Variants in NTRK1 observed in about 807,000 individuals in gnomAD.
NTRK1 encodes high affinity nerve growth factor receptor.
A neutral mutation model predicts 86.8 loss-of-function variants in NTRK1; 62 were observed. The observed-to-expected ratio is 0.71, with a 90% CI of 0.58 to 0.88. The LOEUF is 0.88. Ranked by LOEUF, NTRK1 falls within the 40% of genes least tolerant of loss-of-function variation. The probability of loss-of-function intolerance (pLI) is 0.00; values close to 1 mark genes in which losing one functional copy is unlikely to be tolerated. For missense variants in NTRK1, 967 were observed against 1,078.4 expected (o/e 0.90, Z 1.45); for synonymous variants, 469 against 456.6 (o/e 1.03, Z -0.35).
rs780724170 is a variant in NTRK1 at position 156,881,563 on chromosome 1, G to A, written c.2312G>A (p.Arg771His). 5 of 1,611,138 alleles carry A rather than the reference G, an allele frequency of 3.1e-6. No individual in the cohort carries two copies. The highest frequency in any genetic ancestry group is 2.7e-5 in the African/African-American group (2 of 74,890). ...RGCWQREPQQRHSIKDVHARL... is the reference protein window; with the variant it reads ...RGCWQREPQQHHSIKDVHARL... ...TGCTGGCAGCGGGAGCCCCAGCAAC[G>A]CCACAGCATCAAGGATGTGCACGCC... The change falls in exon 17 of 17, where the codon CGC (arginine) becomes CAC (histidine). Residue 771 changes from arginine (R) to histidine (H), a missense_variant. Physicochemically the swap from Arg to His is conservative, Grantham distance 29. This residue lies in a region of NTRK1 where 637 missense variants were observed against 776.5 expected (regional missense o/e 0.82). Transcript: ENST00000524377.
At chr1:156,848,507 C>G (rs552454648) in intron 2 of NTRK1, among the ~76,000 whole-genome samples, 7 of 152,330 alleles carry the variant, frequency 4.6e-5, no homozygotes, top group African/African-American at 1.7e-4. Flanking sequence ...GCGGCCCCTG[C>G]TCCCTCCCTT....
chr1:156,852,382 CT>C (rs1310971414), intron 2 of NTRK1, among the ~76,000 whole-genome samples: 3 of 152,268 alleles, frequency 2.0e-5, no homozygotes, highest in Non-Finnish European at 4.4e-5. Flanking sequence ...CTGTGGCCGT[CT>C]GTGGCTCCCC....
At chr1:156,852,173 C>T in intron 2 of NTRK1, 1 of 1,602,330 alleles carries the variant, frequency 6.2e-7, no homozygotes, top group Non-Finnish European at 8.5e-7. Flanking sequence ...GCAAGCCATC[C>T]CATGGGGGCA....
chr1:156,833,536 G>T (rs1386782559), intron 1 of NTRK1, among the ~76,000 whole-genome samples: 1 of 148,850 alleles, frequency 6.7e-6, no homozygotes, highest in African/African-American at 2.5e-5. Context: ...CAGCCTGGGC[G>T]ATAAGAGCGA....
At chr1:156,827,109 ATC>A (rs892166946) in intron 1 of NTRK1, among the ~76,000 whole-genome samples, 2 of 151,010 alleles carry the variant, frequency 1.3e-5, no homozygotes, top group African/African-American at 4.9e-5. Context: ...TTGAGACAGG[ATC>A]TCTCTCTGTC....
chr1:156,865,483 G>T (rs867927657), intron 3 of NTRK1, among the ~76,000 whole-genome samples: 1 of 152,326 alleles, frequency 6.6e-6, no homozygotes, highest in Non-Finnish European at 1.5e-5. Flanking sequence ...AGCTCAGGCG[G>T]TAATGCTCAC....
chr1:156,816,021 G>T (rs774736434), intron 1 of NTRK1: 4 of 1,614,048 alleles, frequency 2.5e-6, no homozygotes, highest in East Asian at 4.5e-5. Context: ...TGTAGCCCAG[G>T]TTCTGGCAGC....
In NTRK1 at chr1:156,879,106, C is replaced by T. The variant is rs905185480; in HGVS notation, c.1806-16C>T. Reference sequence around the variant, plus strand: ...CTATCCTCCCAGCCTATCCCCTCTCCTTTTCTTGTTCACAGATCCCATGGA... The same window carrying T: ...CTATCCTCCCAGCCTATCCCCTCTCTTTTTCTTGTTCACAGATCCCATGGA... On this transcript the variant is annotated splice_polypyrimidine_tract_variant and intron_variant, in intron 14 of 16. Coordinates refer to ENST00000524377, the MANE Select transcript of NTRK1 (RefSeq NM_002529.4). 2.5e-6 allele frequency: 4 copies of T among 1,611,928 alleles called. No homozygotes were observed. Among genetic ancestry groups the T allele is most frequent in the Admixed American group, 3.3e-5 (2 of 59,894 alleles).
intron 1 of NTRK1, among the ~76,000 whole-genome samples, chr1:156,862,632 C>T (rs1655707854): frequency 6.6e-6 from 1 of 152,154 alleles, no homozygotes; most frequent in South Asian, 2.1e-4. Flanking sequence ...CCTCACTCAC[C>T]CGCAGAGCTA....
Position 156,840,651 on chromosome 1 carries a change from G to A in NTRK1, c.-63-1430G>A. ...ACCTGATCTCTACTCCTCTGGCTTT[G>A]ACCCTGCTTGCTCTCCCCCGAGGGA... On this transcript the variant is annotated intron_variant, in intron 1 of 16. Transcript: ENST00000392302. 3 of 589,728 alleles carry A rather than the reference G, an allele frequency of 5.1e-6. No homozygotes were observed. The South Asian group carries it at 6.0e-5, about 12-fold the overall frequency. 36.5% of individuals were successfully genotyped at this position (589,728 alleles called of 1,614,324 possible).
At chr1:156,871,558 A>T (rs2102899763) in intron 6 of NTRK1, 65 bp from the exon 7 acceptor site, 2 of 1,588,044 alleles carry the variant, frequency 1.3e-6, no homozygotes, top group South Asian at 2.2e-5. Flanking sequence ...CTCTCCAAAG[A>T]CTTCAGCCCC....
chr1:156,851,568 T>C, intron 2 of NTRK1: 3 of 1,609,742 alleles, frequency 1.9e-6, no homozygotes, highest in Non-Finnish European at 2.6e-6. Context: ...TTGTGCTGAG[T>C]TGGGTCATTG....
chr1:156,874,899 C>T lies in NTRK1; in HGVS notation c.1252-7C>T, dbSNP rs367919955. On this transcript the variant is annotated splice_polypyrimidine_tract_variant and splice_region_variant and intron_variant, in intron 10 of 16. Transcript: ENST00000524377. ...CCCTGGATCTAACTACCCCTGTCCCCCACCAGGTCTCGGTGGCTGTGGGCC... is the reference window on the plus strand; with the variant it reads ...CCCTGGATCTAACTACCCCTGTCCCTCACCAGGTCTCGGTGGCTGTGGGCC... The T allele has an allele frequency of 2.7e-5, 43 of 1,605,732 alleles. No individual in the cohort carries two copies. Among genetic ancestry groups the T allele is most frequent in the Non-Finnish European group, 3.4e-5 (40 of 1,172,780 alleles).
intron 2 of NTRK1, chr1:156,843,425 A>C (rs1654875236): frequency 6.2e-7 from 1 of 1,613,932 alleles, no homozygotes; most frequent in Non-Finnish European, 8.5e-7. Flanking sequence ...TCCCAGACCT[A>C]CTATCAGAGG....
rs540751200 is a variant in NTRK1 at position 156,868,589 on chromosome 1, G to A, written c.659G>A (p.Arg220Gln). 4.8e-5 allele frequency: 74 copies of A among 1,551,922 alleles called. No homozygotes were observed. The East Asian group carries it at 6.1e-4, about 13-fold the overall frequency. Residue 220 changes from arginine (R) to glutamine (Q), a missense_variant, in exon 6 of 17, where the codon CGG (arginine) becomes CAG (glutamine). Physicochemically the swap from Arg to Gln is conservative, Grantham distance 43. Transcript: ENST00000524377. ...DVLLRCQVEG[R>Q]GLEQAGWILT... is the part of the protein sequence containing the mutation. The stretch of plus-strand genomic sequence containing the variant: ...CTGCTGCGGTGCCAGGTGGAGGGGC[G>A]GGGCCTGGAGCAGGCCGGCTGGATC...
intron 1 of NTRK1, among the ~76,000 whole-genome samples, chr1:156,863,855 G>A (rs956341833): frequency 6.6e-6 from 1 of 152,186 alleles, no homozygotes; most frequent in African/African-American, 2.4e-5. Flanking sequence ...TCCCACTGAT[G>A]AGTGTGTGCC....
At chr1:156,829,855 G>A (rs1009124252) in intron 1 of NTRK1, among the ~76,000 whole-genome samples, 2 of 152,178 alleles carry the variant, frequency 1.3e-5, no homozygotes, top group African/African-American at 4.8e-5. Flanking sequence ...GTTTCACCAC[G>A]TTGGCCAGGC....
rs745366033 is a variant in NTRK1 at position 156,868,558 on chromosome 1, G to A, written c.628G>A (p.Asp210Asn). The A allele has an allele frequency of 9.7e-5, 151 of 1,556,504 alleles. No individual in the cohort carries two copies. Among genetic ancestry groups the A allele is most frequent in the Admixed American group, 1.7e-4 (9 of 51,732 alleles). The change falls in exon 6 of 17, where the codon GAC becomes AAC. Residue 210 changes from aspartate (D) to asparagine (N), a missense_variant. Coordinates refer to ENST00000524377, the MANE Select transcript of NTRK1 (RefSeq NM_002529.4). ...CAATGCCTCGGTGGATGTGGGGGACGACGTGCTGCTGCGGTGCCAGGTGGA... is the reference window on the plus strand; with the variant it reads ...CAATGCCTCGGTGGATGTGGGGGACAACGTGCTGCTGCGGTGCCAGGTGGA... ...VPNASVDVGD[D>N]VLLRCQVEGR...
chr1:156,879,633 C>T (rs551650961), intron 15 of NTRK1, among the ~76,000 whole-genome samples: 73 of 152,166 alleles, frequency 4.8e-4, no homozygotes, highest in African/African-American at 1.7e-3. Context: ...TTTTTTGAGA[C>T]GGCGTCTCAC....
Sources: allele counts gnomAD v4.1 joint callset (sites outside exome capture counted in the v4.1 genomes callset), GRCh38; gene constraint gnomAD v4.1.1; regional missense constraint gnomAD v4.1.1; transcripts MANE v1.5; gene names NCBI Gene and HGNC (gene_info 2026-07-23, HGNC 2026-07-21).